Variants in IFT56 observed in about 807,000 individuals in gnomAD.
IFT56 encodes intraflagellar transport 56.
At chr7:139,172,725 C>T in the IFT56 span, 2 of 627,614 alleles carry the variant, frequency 3.2e-6, no homozygotes, top group Non-Finnish European at 3.1e-6. Flanking sequence ...TGTTATACCC[C>T]ATAAATGTAA....
the IFT56 span, among the ~76,000 whole-genome samples, chr7:139,167,083 T>A: frequency 6.6e-6 from 1 of 152,218 alleles, no homozygotes; most frequent in Non-Finnish European, 1.5e-5. Context: ...TGTTCTAGGC[T>A]TTTTGATGTT....
the IFT56 span, among the ~76,000 whole-genome samples, chr7:139,184,337 C>T: frequency 2.2e-4 from 33 of 152,198 alleles, no homozygotes; most frequent in African/African-American, 6.5e-4. Context: ...TTGGGAGTCC[C>T]TGTTGCATTT....
At chr7:139,141,190 G>C in the IFT56 span, among the ~76,000 whole-genome samples, 2 of 151,776 alleles carry the variant, frequency 1.3e-5, no homozygotes, top group Non-Finnish European at 2.9e-5. Flanking sequence ...GAACGCGGGA[G>C]GCGGAGCTTG....
the IFT56 span, among the ~76,000 whole-genome samples, chr7:139,153,018 G>A: frequency 6.6e-6 from 1 of 152,000 alleles, no homozygotes; most frequent in Non-Finnish European, 1.5e-5. Flanking sequence ...GCGTGGCCAC[G>A]TGCGCCTGTA....
the IFT56 span, chr7:139,172,971 C>T: frequency 1.4e-6 from 1 of 727,754 alleles, no homozygotes; most frequent in Non-Finnish European, 2.6e-6. Context: ...GGCGCTTGGG[C>T]TGAGGTGAGG....
the IFT56 span, among the ~76,000 whole-genome samples, chr7:139,146,350 A>G: frequency 2.6e-5 from 4 of 152,206 alleles, no homozygotes; most frequent in Admixed American, 1.3e-4. Flanking sequence ...AACAACAACA[A>G]TATATAGTAA....
chr7:139,149,570 G>A, the IFT56 span, among the ~76,000 whole-genome samples: 1 of 151,962 alleles, frequency 6.6e-6, no homozygotes, highest in African/African-American at 2.4e-5. Context: ...AGCTTTGTGT[G>A]CAACATTCTC....
the IFT56 span, chr7:139,189,510 G>T: frequency 1.0e-6 from 1 of 977,462 alleles, no homozygotes; most frequent in Non-Finnish European, 1.6e-6. Context: ...TTTAATCTGT[G>T]ATACAGGGCT....
At chr7:139,150,071 G>T in the IFT56 span, among the ~76,000 whole-genome samples, 15 of 152,144 alleles carry the variant, frequency 9.9e-5, 1 homozygote, top group African/African-American at 3.1e-4. Context: ...TTCTGCATGT[G>T]TCAAACTTTA....
the IFT56 span, among the ~76,000 whole-genome samples, chr7:139,183,205 A>G: frequency 1.9e-4 from 28 of 150,870 alleles, no homozygotes; most frequent in Admixed American, 1.7e-3. Context: ...GAATAGGGTT[A>G]ACATCAAAGG....
chr7:139,165,297 G>T, the IFT56 span: 1 of 1,083,054 alleles, frequency 9.2e-7, no homozygotes, highest in Non-Finnish European at 1.4e-6. Context: ...AAATATGTCT[G>T]ATGGAACTAT....
chr7:139,165,134 TG>T, the IFT56 span: 1 of 1,611,870 alleles, frequency 6.2e-7, no homozygotes, highest in Non-Finnish European at 8.5e-7. Context: ...ATCTCTAGGT[TG>T]TTTTCCGAGG....
the IFT56 span, chr7:139,133,922 T>C: frequency 6.3e-7 from 1 of 1,599,418 alleles, no homozygotes; most frequent in East Asian, 2.2e-5. Flanking sequence ...CGATTAGAGG[T>C]TCCCAGCACA....
At chr7:139,138,232 C>T in the IFT56 span, among the ~76,000 whole-genome samples, 1 of 152,114 alleles carries the variant, frequency 6.6e-6, no homozygotes. Flanking sequence ...CAATCTCAGT[C>T]TAAAAATAGG....
the IFT56 span, among the ~76,000 whole-genome samples, chr7:139,184,350 A>G: frequency 1.3e-5 from 2 of 152,238 alleles, no homozygotes; most frequent in South Asian, 4.1e-4. Context: ...TTGCATTTGC[A>G]GGGTGACCAG....
At chr7:139,136,470 G>T in the IFT56 span, among the ~76,000 whole-genome samples, 1 of 151,878 alleles carries the variant, frequency 6.6e-6, no homozygotes. Context: ...TTATTTTTGA[G>T]ACAGGGTCTC....
At chr7:139,160,547 A>C in the IFT56 span, among the ~76,000 whole-genome samples, 1 of 151,366 alleles carries the variant, frequency 6.6e-6, no homozygotes, top group Non-Finnish European at 1.5e-5. Context: ...CTCCTGCCTC[A>C]GCCTCCTGAG....
chr7:139,159,195 T>A, the IFT56 span, among the ~76,000 whole-genome samples: 14 of 152,306 alleles, frequency 9.2e-5, 1 homozygote, highest in South Asian at 2.9e-3. Context: ...ATTTCTTAAA[T>A]GTTTGGTAGA....
the IFT56 span, among the ~76,000 whole-genome samples, chr7:139,186,384 C>G: frequency 7.0e-4 from 106 of 151,366 alleles, no homozygotes; most frequent in African/African-American, 2.4e-3. Flanking sequence ...CATGTTGGCA[C>G]CACTGCACTC....
Sources: allele counts gnomAD v4.1 joint callset (sites outside exome capture counted in the v4.1 genomes callset), GRCh38; gene constraint gnomAD v4.1.1; transcripts MANE v1.5; gene names NCBI Gene and HGNC (gene_info 2026-07-23, HGNC 2026-07-21).